The following SUPT6H variants were observed in gnomAD, a reference collection of about 807,000 sequenced individuals.
SUPT6H encodes the protein transcription elongation factor SPT6.
In SUPT6H, 11 loss-of-function variants were observed where a neutral mutation model predicts 222.3. The ratio of observed to expected loss-of-function variants is 0.05; its 90% CI spans 0.03 to 0.08. The LOEUF is 0.08. Among genes scored for constraint, SUPT6H ranks in the 10% least tolerant of loss-of-function variants. The probability of loss-of-function intolerance (pLI) is 1.00; values close to 1 mark genes in which losing one functional copy is unlikely to be tolerated. For missense variants in SUPT6H, 1,422 were observed against 2,216.0 expected (o/e 0.64, Z 7.19); for synonymous variants, 762 against 801.2 (o/e 0.95, Z 0.83).
At chr17:28,676,045 C>T in intron 6 of SUPT6H, 112 bp from the exon 7 acceptor site, 2 of 1,267,452 alleles carry the variant, frequency 1.6e-6, no homozygotes, top group Non-Finnish European at 2.1e-6. Context: ...TTTTGTTTAC[C>T]TTCCTCCTAA....
chr17:28,690,827 AG>A, intron 26 of SUPT6H, 93 bp from the exon 27 acceptor site: 2 of 1,399,220 alleles, frequency 1.4e-6, no homozygotes, highest in Non-Finnish European at 9.8e-7. Context: ...AAGGATGGGA[AG>A]GAAGTCAGAT....
intron 32 of SUPT6H, 50 bp from the exon 33 acceptor site, chr17:28,699,731 G>C (rs1267968786): frequency 6.6e-7 from 1 of 1,508,916 alleles, no homozygotes. Flanking sequence ...GGTCGCTCTT[G>C]TGGTGGGTCC....
intron 6 of SUPT6H, 57 bp downstream of exon 6, chr17:28,675,542 A>G (rs572141922): frequency 6.3e-7 from 1 of 1,592,424 alleles, no homozygotes; most frequent in African/African-American, 1.3e-5. Flanking sequence ...CCAGTCAGGA[A>G]GGAGGAGATC....
chr17:28,686,444 T>A (rs1339932316), intron 20 of SUPT6H, 29 bp downstream of exon 20: 19 of 1,609,740 alleles, frequency 1.2e-5, no homozygotes, highest in Non-Finnish European at 1.6e-5. Flanking sequence ...ACACCTGGTT[T>A]AAGGCCGTGA....
At chr17:28,699,251 G>A (rs985701932) in intron 32 of SUPT6H, among the ~76,000 whole-genome samples, 1 of 152,216 alleles carries the variant, frequency 6.6e-6, no homozygotes, top group African/African-American at 2.4e-5. Context: ...AGAGATTCAA[G>A]TTTGGTAACT....
chr17:28,684,999 G>T, intron 19 of SUPT6H, 38 bp downstream of exon 19: 2 of 1,567,808 alleles, frequency 1.3e-6, no homozygotes, highest in Non-Finnish European at 1.7e-6. Flanking sequence ...TGTACATCTG[G>T]AGTATGTCTT....
At chr17:28,673,123 C>G (rs990753839) in intron 1 of SUPT6H, among the ~76,000 whole-genome samples, 1 of 150,358 alleles carries the variant, frequency 6.7e-6, no homozygotes, top group Non-Finnish European at 1.5e-5. Flanking sequence ...TGTACTCCAG[C>G]CTGGGTGAGA....
intron 11 of SUPT6H, among the ~76,000 whole-genome samples, chr17:28,680,811 C>T (rs570046058): frequency 6.6e-6 from 1 of 152,264 alleles, no homozygotes; most frequent in South Asian, 2.1e-4. Flanking sequence ...CTATACCCTG[C>T]TAGTTTTTTG....
chr17:28,701,648 G>A lies in SUPT6H; in HGVS notation c.*23G>A. ...TAGGGGGCCTGCTCCTCGGACTCTG[G>A]TTACCTCTGAGGCTGGGAAAGGCCT... On this transcript the variant is annotated 3_prime_UTR_variant, in exon 37 of 37. Transcript: ENST00000314616. The A allele has an allele frequency of 1.3e-6, 2 of 1,587,340 alleles. No individual in the cohort carries two copies. The highest frequency in any genetic ancestry group is 2.2e-5 in the East Asian group (1 of 44,484).
intron 30 of SUPT6H, 36 bp downstream of exon 30, chr17:28,697,118 C>A: frequency 6.3e-7 from 1 of 1,590,978 alleles, no homozygotes; most frequent in South Asian, 1.1e-5. Flanking sequence ...CCATCCCACT[C>A]CTGCTTCCAG....
Position 28,701,519 on chromosome 17 carries a change from A to G in SUPT6H, c.5075A>G (p.Gln1692Arg). Residue 1692 changes from glutamine (Q) to arginine (R), a missense_variant, in exon 37 of 37, where the codon CAG (glutamine) becomes CGG (arginine). By Grantham distance (43) the Gln-to-Arg change is conservative (BLOSUM62 1). Around this residue, in one of 13 missense-constraint regions of SUPT6H, gnomAD observed 395 missense variants for 580.6 expected, o/e 0.68. Coordinates refer to ENST00000314616, the MANE Select transcript of SUPT6H (RefSeq NM_003170.5). ...LQEKEAERRK[Q>R]KQRLTPRPSP... Reference sequence around the variant, plus strand: ...GAAAAGGAGGCAGAACGGCGGAAACAGAAGCAGCGGCTGACACCTCGGCCC... The same window carrying G: ...GAAAAGGAGGCAGAACGGCGGAAACGGAAGCAGCGGCTGACACCTCGGCCC... The G allele has an allele frequency of 6.2e-7, 1 of 1,614,156 alleles. No individual in the cohort carries two copies. Among genetic ancestry groups the G allele is most frequent in the Non-Finnish European group, 8.5e-7 (1 of 1,180,038 alleles).
chr17:28,675,617 A>C, intron 6 of SUPT6H, 132 bp downstream of exon 6: 1 of 862,842 alleles, frequency 1.2e-6, no homozygotes, highest in Non-Finnish European at 1.9e-6. Flanking sequence ...GCCTCAAATA[A>C]CCTCTACCAG....
intron 19 of SUPT6H, among the ~76,000 whole-genome samples, chr17:28,685,821 T>G (rs1053768984): frequency 6.6e-6 from 1 of 152,112 alleles, no homozygotes; most frequent in African/African-American, 2.4e-5. Context: ...TATCTAATAG[T>G]CCTAACTACT....
At position 28,697,899 on chromosome 17, in the gene SUPT6H, C is replaced by T. The variant is rs1470359520; in HGVS notation, c.4324-7C>T. 1.9e-6 allele frequency: 3 copies of T among 1,613,630 alleles called. No individual in the cohort carries two copies. Among genetic ancestry groups the T allele is most frequent in the South Asian group, 1.1e-5 (1 of 91,018 alleles). ...ATCCCAACCTCTCCCCCTCATTCTA[C>T]CCCCAGAAATTAGAGGAGCTGCTCA... On this transcript the variant is annotated splice_polypyrimidine_tract_variant and splice_region_variant and intron_variant, in intron 31 of 36. Coordinates refer to ENST00000314616, the MANE Select transcript of SUPT6H (RefSeq NM_003170.5).
In SUPT6H at chr17:28,688,414, C is replaced by A; in HGVS notation, c.3134+196C>A. On this transcript the variant is annotated intron_variant, in intron 24 of 36. Transcript: ENST00000314616. This position sits in a 1 kb window ranked among gnomAD's most constrained non-coding sequence, Gnocchi z 4.3. The stretch of plus-strand genomic sequence containing the variant: ...CGGTTCAATCATGTGAAACATTTTT[C>A]GTGTGAGAGAAACATAAAAAGTACC... 1 of 488,344 alleles carries A rather than the reference C, an allele frequency of 2.0e-6. No individual in the cohort carries two copies. The highest frequency in any genetic ancestry group is 3.2e-6 in the Non-Finnish European group (1 of 309,086). 30.3% of individuals were successfully genotyped at this position (488,344 alleles called of 1,614,324 possible).
chr17:28,682,755 T>C lies in SUPT6H; in HGVS notation c.1626T>C (p.Thr542=). 1 of 1,614,194 alleles carries C rather than the reference T, an allele frequency of 6.2e-7. No individual in the cohort carries two copies. Residue 542 remains threonine, a synonymous_variant, in exon 14 of 37, where the codon ACT becomes ACC. Coordinates refer to ENST00000314616, the MANE Select transcript of SUPT6H (RefSeq NM_003170.5). ...GCCTGGCCAAAAAGTTTGGGCTTAC[T>C]CCCGAGCAGTTTGGGGAGAACCTGC... is the stretch of plus-strand genomic sequence containing the variant. ...LDGLAKKFGL[T]PEQFGENLRD... is the part of the protein sequence containing the mutation.
chr17:28,700,570 C>T (rs1233210544), intron 35 of SUPT6H, 58 bp downstream of exon 35: 7 of 1,574,840 alleles, frequency 4.4e-6, no homozygotes, highest in South Asian at 2.3e-5. Flanking sequence ...ACTGCCCTCT[C>T]GCATTGCCCA....
chr17:28,679,142 C>T (rs1015182737), intron 11 of SUPT6H, among the ~76,000 whole-genome samples, 179 bp downstream of exon 11: 3 of 152,230 alleles, frequency 2.0e-5, no homozygotes, highest in Non-Finnish European at 2.9e-5. Flanking sequence ...GAGGCCGAGG[C>T]GGGCAGATCA....
At chr17:28,692,845 C>A (rs1425397663) in intron 27 of SUPT6H, among the ~76,000 whole-genome samples, 1 of 147,014 alleles carries the variant, frequency 6.8e-6, no homozygotes, top group Non-Finnish European at 1.5e-5. Flanking sequence ...ACTAAAAATA[C>A]AAAAAATTAG....
Sources: allele counts gnomAD v4.1 joint callset (sites outside exome capture counted in the v4.1 genomes callset), GRCh38; gene constraint gnomAD v4.1.1; regional missense constraint gnomAD v4.1.1; non-coding constraint Gnocchi (gnomAD v3.1); transcripts MANE v1.5; gene names NCBI Gene and HGNC (gene_info 2026-07-23, HGNC 2026-07-21).